The following PHF24 variants were observed in gnomAD, a reference collection of about 807,000 sequenced individuals.
PHF24 encodes PHD finger protein 24.
In PHF24, 25 loss-of-function variants were observed where a neutral mutation model predicts 42.6. That is an observed-to-expected ratio of 0.59 (90% CI 0.43 to 0.82). The LOEUF (loss-of-function observed/expected upper bound fraction) is 0.82. Among genes scored for constraint, PHF24 ranks in the 40% least tolerant of loss-of-function variants. PHF24 has a pLI of 0.00. For synonymous variants in PHF24, 185 were observed against 204.8 expected (o/e 0.90, Z 0.83); for missense variants, 470 against 538.1 (o/e 0.87, Z 1.25).
chr9:34,810,171 C>T, the PHF24 span, among the ~76,000 whole-genome samples: 1 of 151,962 alleles, frequency 6.6e-6, no homozygotes, highest in Non-Finnish European at 1.5e-5. Flanking sequence ...TAAGTGGGGA[C>T]GGGGGCGGCG....
chr9:34,666,080 C>T, the PHF24 span: 2 of 238,984 alleles, frequency 8.4e-6, no homozygotes, highest in Non-Finnish European at 1.7e-5. Context: ...GATGCCGTTG[C>T]GCACTAGGTT....
the PHF24 span, among the ~76,000 whole-genome samples, chr9:34,754,606 G>A: frequency 2.0e-5 from 3 of 152,064 alleles, no homozygotes; most frequent in Non-Finnish European, 4.4e-5. Flanking sequence ...CACTGTTGAG[G>A]GAATGTAAAT....
chr9:34,975,419 A>G (rs1270344026), intron 3 of PHF24, among the ~76,000 whole-genome samples: 1 of 152,210 alleles, frequency 6.6e-6, no homozygotes, highest in Non-Finnish European at 1.5e-5. Context: ...TCTTTATGAA[A>G]TCCACGTATG....
chr9:34,735,110 A>G, the PHF24 span, among the ~76,000 whole-genome samples: 3 of 151,296 alleles, frequency 2.0e-5, no homozygotes, highest in Non-Finnish European at 2.9e-5. Flanking sequence ...CTCTCTTACA[A>G]TAGATGTCCA....
At chr9:34,936,958 A>G in the PHF24 span, among the ~76,000 whole-genome samples, 14 of 105,754 alleles carry the variant, frequency 1.3e-4, no homozygotes, top group South Asian at 6.5e-4. Context: ...CCCGGCAGCC[A>G]CCCCGTCCGG....
At chr9:34,951,811 C>A in the PHF24 span, among the ~76,000 whole-genome samples, 1 of 152,220 alleles carries the variant, frequency 6.6e-6, no homozygotes, top group Non-Finnish European at 1.5e-5. Flanking sequence ...TGGCAGAATC[C>A]ATTTTGTTGT....
the PHF24 span, among the ~76,000 whole-genome samples, chr9:34,798,020 G>T: frequency 6.6e-6 from 1 of 152,174 alleles, no homozygotes; most frequent in Non-Finnish European, 1.5e-5. Flanking sequence ...GAACGTATCA[G>T]TGATTGTCAA....
chr9:34,816,392 T>A, the PHF24 span, among the ~76,000 whole-genome samples: 1 of 152,222 alleles, frequency 6.6e-6, no homozygotes, highest in African/African-American at 2.4e-5. Flanking sequence ...TTTTTACGTA[T>A]CCCCACAGAT....
At chr9:34,849,839 TTTA>T in the PHF24 span, among the ~76,000 whole-genome samples, 1 of 152,128 alleles carries the variant, frequency 6.6e-6, no homozygotes, top group African/African-American at 2.4e-5. Flanking sequence ...TGTAAAGTAT[TTTA>T]TTTCTCCTTC....
chr9:34,872,162 A>G, the PHF24 span, among the ~76,000 whole-genome samples: 7 of 151,684 alleles, frequency 4.6e-5, no homozygotes, highest in African/African-American at 1.7e-4. Context: ...TTGAGTGCCA[A>G]TGTAAACAGC....
chr9:34,774,387 A>G, the PHF24 span, among the ~76,000 whole-genome samples: 1 of 99,180 alleles, frequency 1.0e-5, no homozygotes, highest in Non-Finnish European at 2.3e-5. Flanking sequence ...AAGAACTCCT[A>G]CAACACACAA....
At chr9:34,794,426 A>G in the PHF24 span, among the ~76,000 whole-genome samples, 6 of 152,238 alleles carry the variant, frequency 3.9e-5, no homozygotes, top group African/African-American at 1.4e-4. Context: ...GATACAATGC[A>G]AAGTTATTCA....
the PHF24 span, among the ~76,000 whole-genome samples, chr9:34,795,247 AAG>A: frequency 1.3e-5 from 2 of 151,448 alleles, no homozygotes; most frequent in African/African-American, 4.9e-5. Flanking sequence ...CTGTCTTTAA[AAG>A]AGAGAGAGAG....
chr9:34,821,507 G>A, the PHF24 span, among the ~76,000 whole-genome samples: 3 of 152,180 alleles, frequency 2.0e-5, no homozygotes, highest in East Asian at 3.9e-4. Flanking sequence ...TGAGGTAGCA[G>A]CTATTTTGTA....
At chr9:34,815,596 A>G in the PHF24 span, among the ~76,000 whole-genome samples, 1 of 152,194 alleles carries the variant, frequency 6.6e-6, no homozygotes, top group Non-Finnish European at 1.5e-5. Context: ...TGCTGGGATT[A>G]CAGGCGTGAG....
the PHF24 span, among the ~76,000 whole-genome samples, chr9:34,810,369 T>C: frequency 1.5e-4 from 23 of 152,146 alleles, no homozygotes; most frequent in African/African-American, 5.5e-4. Flanking sequence ...AGACCCGCTG[T>C]GGGAATGGAC....
chr9:34,927,863 C>T, the PHF24 span, among the ~76,000 whole-genome samples: 1 of 152,240 alleles, frequency 6.6e-6, no homozygotes, highest in South Asian at 2.1e-4. Flanking sequence ...CTCTATCCAG[C>T]CATCTTGCCA....
At chr9:34,813,662 A>G in the PHF24 span, among the ~76,000 whole-genome samples, 22 of 152,336 alleles carry the variant, frequency 1.4e-4, no homozygotes, top group Admixed American at 3.3e-4. Flanking sequence ...GTTCTTTGCC[A>G]TGTGGGCCTT....
At chr9:34,741,196 C>A in the PHF24 span, among the ~76,000 whole-genome samples, 1 of 150,492 alleles carries the variant, frequency 6.6e-6, no homozygotes, top group South Asian at 2.1e-4. Flanking sequence ...TGTGTCCTCT[C>A]ATTTTTGTAA....
Sources: gnomAD v4.1 joint callset for allele counts (sites outside exome capture counted in the v4.1 genomes callset) on GRCh38, gnomAD v4.1.1 for gene constraint, MANE v1.5 for transcripts, NCBI Gene and HGNC (gene_info 2026-07-23, HGNC 2026-07-21) for gene names.